The following MIGA1 variants were observed in gnomAD, a reference collection of about 807,000 sequenced individuals.
MIGA1 encodes mitoguardin 1, also known as family with sequence similarity 73, member A.
A neutral mutation model predicts 82.0 loss-of-function variants in MIGA1; 58 were observed. The observed-to-expected ratio is 0.71, with a 90% CI of 0.57 to 0.88. The LOEUF (loss-of-function observed/expected upper bound fraction) is 0.88, where lower values mean the gene tolerates loss of function less well. Among genes scored for constraint, MIGA1 ranks in the 40% least tolerant of loss-of-function variants. The pLI, the probability that MIGA1 is intolerant of heterozygous loss-of-function variation, is 0.00. For missense variants in MIGA1, 751 were observed against 749.1 expected (o/e 1.00, Z -0.03); for synonymous variants, 249 against 253.6 (o/e 0.98, Z 0.17).
intron 4 of MIGA1, among the ~76,000 whole-genome samples, chr1:77,805,331 C>A (rs901388667): frequency 1.3e-5 from 2 of 151,748 alleles, no homozygotes; most frequent in Non-Finnish European, 2.9e-5. Flanking sequence ...TATAGCTGCC[C>A]TATTCTGTAA....
chr1:77,851,923 T>C (rs1685069660), intron 8 of MIGA1, among the ~76,000 whole-genome samples: 2 of 145,292 alleles, frequency 1.4e-5, no homozygotes, highest in African/African-American at 2.5e-5. Context: ...GTCACTCAGG[T>C]TGGAGTGTAG....
chr1:77,861,671 A>G, intron 12 of MIGA1: 1 of 198,626 alleles, frequency 5.0e-6, no homozygotes, highest in Non-Finnish European at 1.0e-5. Context: ...CAACAGCAGC[A>G]GCTCAGTAGG....
intron 8 of MIGA1, among the ~76,000 whole-genome samples, chr1:77,849,561 TCATA>T (rs934990103): frequency 1.3e-5 from 2 of 152,164 alleles, no homozygotes; most frequent in East Asian, 1.9e-4. Flanking sequence ...AAAATGTGAA[TCATA>T]CATCTTGTCT....
At chr1:77,861,394 C>G (rs1685448189) in intron 12 of MIGA1, 72 bp downstream of exon 12, 4 of 977,024 alleles carry the variant, frequency 4.1e-6, no homozygotes, top group Admixed American at 3.9e-5. Context: ...GTTGAGACTA[C>G]TGTTTCATTG....
rs1415837993 is a variant in MIGA1 at position 77,807,108 on chromosome 1, A to T, written c.637+7A>T. 6.4e-7 allele frequency: 1 copy of T among 1,563,064 alleles called. No homozygotes were observed. The highest frequency in any genetic ancestry group is 1.9e-5 in the Admixed American group (1 of 53,160). On this transcript the variant is annotated splice_region_variant and intron_variant, in intron 5 of 15. Coordinates refer to ENST00000370791, the MANE Select transcript of MIGA1 (RefSeq NM_198549.4). ...GAGAACTTATACTTAATGGGTAGGA[A>T]TGAGATGATAACATTTTAAGATACT... is the stretch of plus-strand genomic sequence containing the variant.
chr1:77,789,500 G>A (rs908782007), intron 2 of MIGA1, among the ~76,000 whole-genome samples: 1 of 152,074 alleles, frequency 6.6e-6, no homozygotes, highest in Non-Finnish European at 1.5e-5. Context: ...GTGAGCCACC[G>A]TGTTTGGCTT....
intron 1 of MIGA1, among the ~76,000 whole-genome samples, chr1:77,780,985 C>T (rs896003049): frequency 1.2e-4 from 18 of 150,658 alleles, no homozygotes; most frequent in African/African-American, 4.4e-4. Flanking sequence ...CTGCTCACTG[C>T]AACCTCCGCC....
Position 77,879,059 on chromosome 1 carries a change from C to T in MIGA1, c.*3995C>T, listed in dbSNP as rs377634283. On this transcript the variant is annotated 3_prime_UTR_variant, in exon 16 of 16. Coordinates refer to ENST00000370791, the MANE Select transcript of MIGA1 (RefSeq NM_198549.4). ...CCTGTAAGCCTAGGAAATAGGAATG[C>T]CAAAGTAACATTTAATGTACTTCTC... 1 of 212,416 alleles carries T rather than the reference C, an allele frequency of 4.7e-6. No individual in the cohort carries two copies. The highest frequency in any genetic ancestry group is 9.5e-5 in the East Asian group (1 of 10,502). 13.2% of individuals were successfully genotyped at this position (212,416 alleles called of 1,614,324 possible). A position where few individuals can be genotyped will look rare whatever the true frequency, so the allele number is the denominator to read the frequency against.
At chr1:77,852,452 T>C (rs1010466698) in intron 8 of MIGA1, among the ~76,000 whole-genome samples, 8 of 152,212 alleles carry the variant, frequency 5.3e-5, no homozygotes, top group African/African-American at 1.9e-4. Flanking sequence ...CTGTCATCTC[T>C]TCATACCTTT....
chr1:77,842,874 G>A (rs1684680578), intron 7 of MIGA1, among the ~76,000 whole-genome samples: 1 of 152,176 alleles, frequency 6.6e-6, no homozygotes, highest in Non-Finnish European at 1.5e-5. Context: ...CTTATCACAA[G>A]TGACAGGCTG....
chr1:77,864,298 A>T (rs1314099416), intron 13 of MIGA1, among the ~76,000 whole-genome samples: 3 of 151,338 alleles, frequency 2.0e-5, no homozygotes, highest in Non-Finnish European at 4.4e-5. Context: ...TGAACCTGGG[A>T]GGTGCAGTGA....
Position 77,847,400 on chromosome 1 carries a change from C to T in MIGA1, c.996+3993C>T, listed in dbSNP as rs181130534. 2,591 of 1,297,320 alleles carry T rather than the reference C, an allele frequency of 2.0e-3. 41 individuals carry two copies. The highest frequency in any genetic ancestry group is 4.3e-4 in the Non-Finnish European group (380 of 892,308). The allele number at this position is 1,297,320 out of a possible 1,614,324, so 80.4% of individuals were successfully genotyped here. ...ATACTAAATTGCTTTTGGGGAAAGA[C>T]TGAAAGCCCAAGTATATTCACAACT... On this transcript the variant is annotated intron_variant, in intron 8 of 15. Transcript: ENST00000370791.
intron 8 of MIGA1, among the ~76,000 whole-genome samples, chr1:77,844,912 A>T (rs1275218329): frequency 6.6e-6 from 1 of 152,096 alleles, no homozygotes; most frequent in South Asian, 2.1e-4. Context: ...AACCTGGGAG[A>T]TGGAGGTTGC....
chr1:77,786,269 CT>C (rs901581619), intron 2 of MIGA1, among the ~76,000 whole-genome samples: 32 of 152,328 alleles, frequency 2.1e-4, no homozygotes, highest in Middle Eastern at 3.4e-3. Flanking sequence ...CCTGAAACCA[CT>C]TTTTCCTCCT....
intron 3 of MIGA1, among the ~76,000 whole-genome samples, chr1:77,802,360 GTTA>G (rs1320480501): frequency 6.6e-6 from 1 of 152,144 alleles, no homozygotes; most frequent in African/African-American, 2.4e-5. Context: ...TTATAGTCTT[GTTA>G]TTGTTTCTAT....
At chr1:77,838,567 A>C (rs1684514739) in intron 7 of MIGA1, among the ~76,000 whole-genome samples, 1 of 151,614 alleles carries the variant, frequency 6.6e-6, no homozygotes, top group African/African-American at 2.4e-5. Context: ...TGCGCCTCAG[A>C]CTCCTAAGTA....
At chr1:77,809,921 C>T (rs1468884303) in intron 5 of MIGA1, among the ~76,000 whole-genome samples, 1 of 151,578 alleles carries the variant, frequency 6.6e-6, no homozygotes, top group Admixed American at 6.6e-5. Flanking sequence ...AATAGAATAT[C>T]TTTCCAGATT....
chr1:77,858,908 G>A (rs1252819579), intron 8 of MIGA1, 30 bp from the exon 9 acceptor site: 2 of 1,309,870 alleles, frequency 1.5e-6, no homozygotes, highest in African/African-American at 1.4e-5. Context: ...CACCTAGCCT[G>A]TATTCTGTTC....
chr1:77,799,749 T>C (rs1246204222), intron 2 of MIGA1, among the ~76,000 whole-genome samples: 1 of 152,002 alleles, frequency 6.6e-6, no homozygotes, highest in East Asian at 1.9e-4. Flanking sequence ...CTTTGTGAGG[T>C]CTGCAGTAAT....
Sources: gnomAD v4.1 joint callset for allele counts (sites outside exome capture counted in the v4.1 genomes callset) on GRCh38, gnomAD v4.1.1 for gene constraint, MANE v1.5 for transcripts, NCBI Gene and HGNC (gene_info 2026-07-23, HGNC 2026-07-21) for gene names.